The following DPP6 variants were observed in gnomAD, a reference collection of about 807,000 sequenced individuals.
The protein encoded by DPP6 is A-type potassium channel modulatory protein DPP6.
A neutral mutation model predicts 122.6 loss-of-function variants in DPP6; 69 were observed. The observed-to-expected ratio is 0.56, with a 90% CI of 0.46 to 0.69. The LOEUF is 0.69. Ranked by LOEUF, DPP6 falls within the 30% of genes least tolerant of loss-of-function variation. The pLI is 0.00. For synonymous variants in DPP6, 418 were observed against 433.1 expected, an observed-to-expected ratio of 0.97 and a Z score of 0.43; for missense variants, 928 against 1,116.9, an observed-to-expected ratio of 0.83 and a Z score of 2.41.
intron 1 of DPP6, among the ~76,000 whole-genome samples, chr7:154,420,856 T>A (rs1817413075): frequency 6.6e-6 from 1 of 152,222 alleles, no homozygotes; most frequent in Non-Finnish European, 1.5e-5. Flanking sequence ...AAAATCATTA[T>A]GCAAAATGAG....
intron 1 of DPP6, among the ~76,000 whole-genome samples, chr7:153,987,129 T>G (rs1022500224): frequency 1.3e-5 from 2 of 152,248 alleles, no homozygotes; most frequent in Non-Finnish European, 2.9e-5. Flanking sequence ...TGCACCAAGA[T>G]GTAAGATTTT....
chr7:154,627,489 C>T (rs531502620), intron 5 of DPP6, among the ~76,000 whole-genome samples: 20 of 152,106 alleles, frequency 1.3e-4, no homozygotes, highest in Non-Finnish European at 2.9e-4. Context: ...TGAGCCACCA[C>T]GCCCGGCCTT....
chr7:154,253,353 G>A (rs775461338), intron 1 of DPP6, among the ~76,000 whole-genome samples: 7 of 152,164 alleles, frequency 4.6e-5, no homozygotes, highest in Non-Finnish European at 8.8e-5. Flanking sequence ...ATACAGGTGT[G>A]GGGGGTGAGG....
intron 1 of DPP6, among the ~76,000 whole-genome samples, chr7:154,091,182 CCCA>C (rs959721415): frequency 1.3e-5 from 2 of 151,864 alleles, no homozygotes; most frequent in Non-Finnish European, 1.5e-5. Flanking sequence ...CCTTTAGGTT[CCCA>C]GAAGAACTGA....
chr7:153,842,614 C>A, the DPP6 span, among the ~76,000 whole-genome samples: 1 of 152,022 alleles, frequency 6.6e-6, no homozygotes. Flanking sequence ...ACATTTAAAT[C>A]TTCAAACCAT....
Position 154,783,344 on chromosome 7 carries a change from G to A in DPP6, c.1136+10402G>A, listed in dbSNP as rs114428938. On this transcript the variant is annotated intron_variant, in intron 10 of 25. Coordinates refer to ENST00000377770, the MANE Select transcript of DPP6 (RefSeq NM_130797.4). Reference sequence around the variant, plus strand: ...GCAGGGTCTTCTCTCGTCTCTGCCCGTGCTTCCTTCTAGGCAGCAGTGCCT... The same window carrying A: ...GCAGGGTCTTCTCTCGTCTCTGCCCATGCTTCCTTCTAGGCAGCAGTGCCT... Among the ~76,000 whole-genome samples the A allele has an allele frequency of 4.5e-3, 690 of 152,278 alleles. 3 individuals carry two copies. The highest frequency in any genetic ancestry group is 0.015 in the African/African-American group (607 of 41,560).
intron 10 of DPP6, among the ~76,000 whole-genome samples, chr7:154,790,419 C>G (rs1201209577): frequency 6.6e-6 from 1 of 152,136 alleles, no homozygotes; most frequent in East Asian, 1.9e-4. Flanking sequence ...TCACGGCTTC[C>G]TTACATAGAG....
chr7:154,690,954 T>C (rs541369534), intron 7 of DPP6, among the ~76,000 whole-genome samples: 1 of 152,340 alleles, frequency 6.6e-6, no homozygotes, highest in East Asian at 1.9e-4. Flanking sequence ...GAGCACTAAA[T>C]GCTTAAGCAG....
intron 1 of DPP6, among the ~76,000 whole-genome samples, chr7:154,438,349 A>T (rs1368468652): frequency 6.6e-6 from 1 of 151,646 alleles, no homozygotes; most frequent in Non-Finnish European, 1.5e-5. Flanking sequence ...GGGAGCCTGT[A>T]GTCCCAGCTA....
At chr7:153,991,724 G>A (rs1797187826) in intron 1 of DPP6, among the ~76,000 whole-genome samples, 1 of 152,166 alleles carries the variant, frequency 6.6e-6, no homozygotes, top group African/African-American at 2.4e-5. Flanking sequence ...AGCGGTCTGT[G>A]GGGTATGTGC....
At chr7:153,878,276 C>T in the DPP6 span, among the ~76,000 whole-genome samples, 17 of 151,942 alleles carry the variant, frequency 1.1e-4, no homozygotes, top group African/African-American at 4.1e-4. Flanking sequence ...ATAAATCTAT[C>T]AAGTTTCTAG....
intron 1 of DPP6, among the ~76,000 whole-genome samples, chr7:154,335,051 A>AT (rs1809282003): frequency 4.8e-5 from 2 of 41,624 alleles, no homozygotes; most frequent in Admixed American, 5.1e-4. Context: ...TGATGATTTC[A>AT]GTTTTTTCAA....
rs1027743569 is a variant in DPP6, at chr7:154,755,471, A to G, written c.884-13946A>G. Among the ~76,000 whole-genome samples the G allele has an allele frequency of 8.2e-6, 1 of 122,440 alleles. No homozygotes were observed. The highest frequency in any genetic ancestry group is 3.8e-5 in the African/African-American group (1 of 26,084). 80.3% of individuals were successfully genotyped at this position (122,440 alleles called of 152,430 possible). ...CTGTGTGAGCTTCGGCACATTATTT[A>G]AACTTTTTTTCCCTTAGTTCCCTTA... On this transcript the variant is annotated intron_variant, in intron 8 of 25. Transcript: ENST00000377770. The surrounding 1 kb of genome is among the most constrained non-coding windows in gnomAD (Gnocchi z 4.7).
chr7:154,706,635 T>G (rs531609227), intron 7 of DPP6, among the ~76,000 whole-genome samples: 3 of 152,364 alleles, frequency 2.0e-5, no homozygotes, highest in Admixed American at 2.0e-4. Flanking sequence ...GTGCCATCTC[T>G]TCAGTCAGCT....
At chr7:154,149,288 G>A (rs769788379) in intron 1 of DPP6, among the ~76,000 whole-genome samples, 10,801 of 147,056 alleles carry the variant, frequency 0.073, no homozygotes, top group African/African-American at 0.27. Context: ...AGCACCTAGC[G>A]AAGCCCTCCA....
At chr7:154,720,598 C>T (rs936996843) in intron 7 of DPP6, among the ~76,000 whole-genome samples, 1 of 152,206 alleles carries the variant, frequency 6.6e-6, no homozygotes, top group African/African-American at 2.4e-5. Context: ...CAGGGCCCCC[C>T]GGCTGCAGCA....
chr7:154,439,920 G>C (rs138472339), intron 1 of DPP6, among the ~76,000 whole-genome samples: 2 of 152,156 alleles, frequency 1.3e-5, no homozygotes, highest in African/African-American at 4.8e-5. Flanking sequence ...AGGCGCATAC[G>C]GAAAGGGTGT....
chr7:154,820,326 A>G (rs1381395432), intron 16 of DPP6, among the ~76,000 whole-genome samples: 2 of 152,220 alleles, frequency 1.3e-5, no homozygotes, highest in East Asian at 1.9e-4. Flanking sequence ...GAGAGATTCC[A>G]GAAGGCGTCA....
intron 1 of DPP6, among the ~76,000 whole-genome samples, chr7:154,390,704 T>C (rs1349491192): frequency 1.3e-5 from 2 of 152,082 alleles, no homozygotes; most frequent in Non-Finnish European, 2.9e-5. Flanking sequence ...GAACGGGGCT[T>C]AGCTGGGCCA....
Sources: allele counts gnomAD v4.1 joint callset (sites outside exome capture counted in the v4.1 genomes callset), GRCh38; gene constraint gnomAD v4.1.1; non-coding constraint Gnocchi (gnomAD v3.1); transcripts MANE v1.5; gene names NCBI Gene and HGNC (gene_info 2026-07-23, HGNC 2026-07-21).